Variants in WDR64 observed in about 807,000 individuals in gnomAD.
WDR64 encodes the protein WD repeat-containing protein 64.
A neutral mutation model predicts 139.3 loss-of-function variants in WDR64; 112 were observed. The ratio of observed to expected loss-of-function variants is 0.80; its 90% confidence interval spans 0.69 to 0.94. The LOEUF (loss-of-function observed/expected upper bound fraction) is 0.94, where lower values mean the gene tolerates loss of function less well. WDR64 is among the 40% of genes least tolerant of loss of function. The probability of loss-of-function intolerance (pLI) is 0.00; values close to 1 mark genes in which losing one functional copy is unlikely to be tolerated. For synonymous variants in WDR64, 444 were observed against 437.7 expected, an observed-to-expected ratio of 1.01 and a Z score of -0.18; for missense variants, 1,206 against 1,293.1, an observed-to-expected ratio of 0.93 and a Z score of 1.03.
chr1:241,667,533 T>G (rs1369055950), intron 2 of WDR64, among the ~76,000 whole-genome samples: 1 of 152,134 alleles, frequency 6.6e-6, no homozygotes, highest in African/African-American at 2.4e-5. Flanking sequence ...AAACTCCTCA[T>G]ATGAGTCCTT....
intron 3 of WDR64, among the ~76,000 whole-genome samples, chr1:241,673,405 G>C (rs950975540): frequency 6.6e-6 from 1 of 152,082 alleles, no homozygotes; most frequent in African/African-American, 2.4e-5. Context: ...CTTGCAATAG[G>C]GCAGTGTTTC....
At chr1:241,736,035 A>G (rs10926558) in intron 10 of WDR64, among the ~76,000 whole-genome samples, 39,533 of 151,910 alleles carry the variant, frequency 0.26, 5,412 homozygotes, top group South Asian at 0.34. Flanking sequence ...CACTGGTCTC[A>G]TATCTTTGAA....
rs1261303546 is a variant in WDR64 at position 241,802,437 on chromosome 1, A to T, written c.*1222A>T. Among the ~76,000 whole-genome samples, 1 of 152,224 alleles carries T rather than the reference A, an allele frequency of 6.6e-6. No individual in the cohort carries two copies. Among genetic ancestry groups the T allele is most frequent in the Non-Finnish European group, 1.5e-5 (1 of 68,028 alleles). On this transcript the variant is annotated 3_prime_UTR_variant, in exon 28 of 28. Coordinates refer to ENST00000437684, the MANE Select transcript of WDR64 (RefSeq NM_001367482.1). ...TTTAGAGATTTAGAAGGGGTATGAAAGAACTTTCTGGGGTGAATGGTAATG... is the reference window on the plus strand; with the variant it reads ...TTTAGAGATTTAGAAGGGGTATGAATGAACTTTCTGGGGTGAATGGTAATG...
chr1:241,753,949 A>G (rs1384647789), intron 14 of WDR64, among the ~76,000 whole-genome samples: 1 of 152,180 alleles, frequency 6.6e-6, no homozygotes, highest in Non-Finnish European at 1.5e-5. Flanking sequence ...TGTCTAAAAA[A>G]ACAAAGTGAA....
intron 2 of WDR64, among the ~76,000 whole-genome samples, chr1:241,663,735 G>C (rs573542849): frequency 2.0e-5 from 3 of 152,368 alleles, no homozygotes; most frequent in Non-Finnish European, 2.9e-5. Context: ...CAGCTCCACA[G>C]TTGCACTAGT....
chr1:241,728,932 G>T (rs1668964977), intron 10 of WDR64, among the ~76,000 whole-genome samples: 1 of 151,922 alleles, frequency 6.6e-6, no homozygotes, highest in South Asian at 2.1e-4. Context: ...TTTGGAAGTG[G>T]TATGTAGAAA....
chr1:241,766,776 T>A (rs1658196922), intron 16 of WDR64, among the ~76,000 whole-genome samples: 1 of 151,692 alleles, frequency 6.6e-6, no homozygotes, highest in Non-Finnish European at 1.5e-5. Flanking sequence ...AAGGCAGGCG[T>A]TCCTGGAAGT....
chr1:241,749,849 C>A, intron 14 of WDR64, 127 bp downstream of exon 14: 1 of 1,097,552 alleles, frequency 9.1e-7, no homozygotes. Context: ...TTATCCTCAG[C>A]CTTCCCGTGA....
intron 21 of WDR64, among the ~76,000 whole-genome samples, chr1:241,776,250 T>C (rs1038784889): frequency 1.3e-5 from 2 of 152,034 alleles, no homozygotes; most frequent in Non-Finnish European, 2.9e-5. Context: ...AGCTAATTTT[T>C]GTATTTTTAG....
At chr1:241,794,427 T>C (rs1185374211) in intron 25 of WDR64, among the ~76,000 whole-genome samples, 2 of 151,866 alleles carry the variant, frequency 1.3e-5, no homozygotes, top group African/African-American at 2.4e-5. Context: ...CTAAGTAAAT[T>C]TGGAGAAATC....
chr1:241,709,537 C>T (rs1022455540), intron 8 of WDR64, among the ~76,000 whole-genome samples: 2 of 152,044 alleles, frequency 1.3e-5, no homozygotes, highest in African/African-American at 2.4e-5. Context: ...TCGCTTGAGT[C>T]CAACAGTTTG....
chr1:241,762,008 A>T (rs966199198), intron 15 of WDR64, among the ~76,000 whole-genome samples: 3 of 152,052 alleles, frequency 2.0e-5, no homozygotes, highest in Non-Finnish European at 2.9e-5. Context: ...TGCTATTTTG[A>T]CCTCCTCCCA....
intron 8 of WDR64, among the ~76,000 whole-genome samples, chr1:241,690,278 C>A (rs1034709763): frequency 6.6e-6 from 1 of 152,084 alleles, no homozygotes; most frequent in East Asian, 1.9e-4. Flanking sequence ...AGAGATCAGC[C>A]TGACCAACAT....
At position 241,656,872 on chromosome 1, in the gene WDR64, G is replaced by T. The variant is rs996909083; in HGVS notation, c.146-3658G>T. On this transcript the variant is annotated intron_variant, in intron 1 of 27. Transcript: ENST00000437684. The surrounding 1 kb of genome is among the most constrained non-coding windows in gnomAD (Gnocchi z 4.3). ...ATGTCTCAAGTCTTTGCCAAATGTT[G>T]TGTGTGTGTGTGTGTGTGTGTGTGT... Among the ~76,000 whole-genome samples the T allele has an allele frequency of 2.4e-4, 12 of 50,816 alleles. No individual in the cohort carries two copies. The highest frequency in any genetic ancestry group is 1.0e-3 in the African/African-American group (12 of 11,924). 33.3% of individuals were successfully genotyped at this position (50,816 alleles called of 152,430 possible).
intron 9 of WDR64, among the ~76,000 whole-genome samples, chr1:241,716,582 C>T (rs777004781): frequency 1.3e-5 from 2 of 151,734 alleles, no homozygotes; most frequent in African/African-American, 2.4e-5. Flanking sequence ...TCCTAACCTG[C>T]GAACATTTAA....
intron 7 of WDR64, among the ~76,000 whole-genome samples, chr1:241,687,237 G>A (rs1231145624): frequency 6.6e-6 from 1 of 150,904 alleles, no homozygotes; most frequent in Non-Finnish European, 1.5e-5. Context: ...CCAGGAGGCA[G>A]AGGTTGCAGT....
chr1:241,659,662 G>A (rs1665746150), intron 1 of WDR64, among the ~76,000 whole-genome samples: 1 of 152,194 alleles, frequency 6.6e-6, no homozygotes, highest in Non-Finnish European at 1.5e-5. Context: ...AATGACCAGT[G>A]ATGATGAGCT....
At chr1:241,698,191 AT>A (rs1437948836) in intron 8 of WDR64, among the ~76,000 whole-genome samples, 1 of 152,080 alleles carries the variant, frequency 6.6e-6, no homozygotes, top group Non-Finnish European at 1.5e-5. Context: ...TATACCTTCT[AT>A]AGCATTTTGT....
intron 19 of WDR64, among the ~76,000 whole-genome samples, chr1:241,771,947 T>C (rs200248220): frequency 3.5e-5 from 1 of 28,170 alleles, no homozygotes; most frequent in East Asian, 6.0e-4. Flanking sequence ...CATACATACA[T>C]ATATATATAT....
Sources: allele counts gnomAD v4.1 joint callset (sites outside exome capture counted in the v4.1 genomes callset), GRCh38; gene constraint gnomAD v4.1.1; non-coding constraint Gnocchi (gnomAD v3.1); transcripts MANE v1.5; gene names NCBI Gene and HGNC (gene_info 2026-07-23, HGNC 2026-07-21).